HSPA4L: variants seen among roughly 807,000 people sequenced by gnomAD.
HSPA4L encodes the protein heat shock protein family A (Hsp70) member 4 like.
In HSPA4L, 48 loss-of-function variants were observed where a neutral mutation model predicts 100.3. That is an observed-to-expected ratio of 0.48 (90% CI 0.38 to 0.61). The LOEUF (loss-of-function observed/expected upper bound fraction) is 0.61. Among genes scored for constraint, HSPA4L ranks in the 20% least tolerant of loss-of-function variants. The probability of loss-of-function intolerance (pLI) is 0.00; values close to 1 mark genes in which losing one functional copy is unlikely to be tolerated. For missense variants in HSPA4L, 886 were observed against 988.6 expected, an observed-to-expected ratio of 0.90 and a Z score of 1.39; for synonymous variants, 319 against 328.2, an observed-to-expected ratio of 0.97 and a Z score of 0.30.
chr4:127,783,689 G>A (rs1230201685), intron 1 of HSPA4L: 20 of 1,535,048 alleles, frequency 1.3e-5, no homozygotes, highest in Non-Finnish European at 1.7e-5. Context: ...AGGTAATTTG[G>A]CATCTTAATT....
At chr4:127,816,562 A>C (rs1363897882) in intron 12 of HSPA4L, among the ~76,000 whole-genome samples, 1 of 152,206 alleles carries the variant, frequency 6.6e-6, no homozygotes. Context: ...TTTAAGGAGC[A>C]TTCAAGGAAG....
At chr4:127,823,350 T>C (rs952845353) in intron 15 of HSPA4L, among the ~76,000 whole-genome samples, 167 bp from the exon 16 acceptor site, 1 of 152,178 alleles carries the variant, frequency 6.6e-6, no homozygotes, top group Non-Finnish European at 1.5e-5. Flanking sequence ...GATTTTGCCA[T>C]ATTGCCCAGG....
At chr4:127,817,839 G>A (rs1365890108) in intron 12 of HSPA4L, among the ~76,000 whole-genome samples, 3 of 151,996 alleles carry the variant, frequency 2.0e-5, no homozygotes, top group African/African-American at 7.3e-5. Flanking sequence ...CAAGTTGAAT[G>A]TTCTCTATTT....
intron 1 of HSPA4L, chr4:127,783,440 C>T (rs1278822632): frequency 1.7e-5 from 23 of 1,328,972 alleles, no homozygotes; most frequent in Non-Finnish European, 2.1e-5. Flanking sequence ...CCCGTATAAA[C>T]ATGACTGTGG....
rs1733727087 is a variant in HSPA4L, at chr4:127,818,369, T to C, written c.1623T>C (p.His541=). Residue 541 remains histidine (H), a synonymous_variant, in exon 13 of 19, where the codon CAT becomes CAC. Transcript: ENST00000296464. The stretch of plus-strand genomic sequence containing the variant: ...AAGAAGAAGGGCATCAAAAATGTCA[T>C]GCTGAACACACTCCAGAAGAGGAAA... ...VDQEEGHQKC[H]AEHTPEEEID... is the part of the protein sequence containing the mutation. 6.2e-7 allele frequency: 1 copy of C among 1,612,602 alleles called. No homozygotes were observed. The highest frequency in any genetic ancestry group is 8.5e-7 in the Non-Finnish European group (1 of 1,179,186).
chr4:127,782,276 G>A, upstream of HSPA4L: 1 of 448,904 alleles, frequency 2.2e-6, no homozygotes, highest in East Asian at 4.6e-5. Context: ...AGCCGAGCGC[G>A]CAGGCGCAGG....
At chr4:127,805,305 C>T in intron 9 of HSPA4L, 81 bp downstream of exon 9, 2 of 1,011,930 alleles carry the variant, frequency 2.0e-6, no homozygotes, top group Non-Finnish European at 2.9e-6. Context: ...TTAATGTTAT[C>T]TGTTCCATCC....
intron 12 of HSPA4L, chr4:127,813,383 G>A (rs1372273792): frequency 5.7e-6 from 3 of 524,444 alleles, no homozygotes; most frequent in East Asian, 3.1e-5. Context: ...TTTAAGGACT[G>A]TGGCTTTTTC....
chr4:127,801,311 A>T, intron 5 of HSPA4L, 74 bp downstream of exon 5: 1 of 1,142,008 alleles, frequency 8.8e-7, no homozygotes, highest in African/African-American at 1.6e-5. Context: ...TTAACAAAGC[A>T]TTATTTTTTT....
At chr4:127,818,066 A>G (rs1035443755) in intron 12 of HSPA4L, among the ~76,000 whole-genome samples, 6 of 147,930 alleles carry the variant, frequency 4.1e-5, no homozygotes, top group African/African-American at 1.5e-4. Flanking sequence ...ATTTGGCTTG[A>G]GAACAATTTT....
At chr4:127,798,538 G>A (rs375559935) in intron 3 of HSPA4L, 49 bp from the exon 4 acceptor site, 1 of 1,594,692 alleles carries the variant, frequency 6.3e-7, no homozygotes, top group Non-Finnish European at 8.6e-7. Flanking sequence ...CTGAATATTT[G>A]TTGGATAAAC....
At chr4:127,783,379 G>C in intron 1 of HSPA4L, 1 of 459,816 alleles carries the variant, frequency 2.2e-6, no homozygotes, top group African/African-American at 2.1e-5. Flanking sequence ...GGTTGGGTCG[G>C]ACCAAAAGCG....
chr4:127,830,616 C>T, intron 17 of HSPA4L, 22 bp from the exon 18 acceptor site: 1 of 1,542,890 alleles, frequency 6.5e-7, no homozygotes, highest in Non-Finnish European at 8.7e-7. Flanking sequence ...AACATGCAGT[C>T]AAGCTTTTTT....
At chr4:127,819,428 A>G (rs1733753545) in intron 13 of HSPA4L, among the ~76,000 whole-genome samples, 1 of 152,192 alleles carries the variant, frequency 6.6e-6, no homozygotes, top group Admixed American at 6.5e-5. Context: ...TGTAGATTCT[A>G]AAGTTATTTA....
chr4:127,823,499 T>C lies in HSPA4L; in HGVS notation c.1939-18T>C. ...AAGGAAAGTATTTTTAATTAGTGTC[T>C]CTCAAATATATTACTAGGACTTGAG... On this transcript the variant is annotated intron_variant, in intron 15 of 18. Transcript: ENST00000296464. The C allele has an allele frequency of 6.6e-7, 1 of 1,518,346 alleles. No homozygotes were observed. Among genetic ancestry groups the C allele is most frequent in the African/African-American group, 1.4e-5 (1 of 73,134 alleles). The allele number at this position is 1,518,346 out of a possible 1,614,324, so 94.1% of individuals were successfully genotyped here. A position where few individuals can be genotyped will look rare whatever the true frequency, so the allele number is the denominator to read the frequency against.
chr4:127,827,292 CTTATG>C lies in HSPA4L; in HGVS notation c.2047-9_2047-5del. 6.9e-6 allele frequency: 11 copies of C among 1,595,818 alleles called. No homozygotes were observed. The highest frequency in any genetic ancestry group is 9.4e-6 in the Non-Finnish European group (11 of 1,173,502). On this transcript the variant is annotated splice_region_variant and splice_polypyrimidine_tract_variant and intron_variant, in intron 16 of 18. Coordinates refer to ENST00000296464, the MANE Select transcript of HSPA4L (RefSeq NM_014278.4). ...AAAAATTTTTCTTCTTTAAAAATTT[CTTATG>C]TTAACAGAAATACGGCCAGCCTATT...
intron 2 of HSPA4L, 127 bp from the exon 3 acceptor site, chr4:127,795,641 A>C (rs1412970849): frequency 6.9e-6 from 6 of 872,520 alleles, no homozygotes; most frequent in Non-Finnish European, 8.7e-6. Flanking sequence ...GAAAAAATGA[A>C]TGATTATTTG....
intron 12 of HSPA4L, among the ~76,000 whole-genome samples, chr4:127,817,807 T>C (rs930025876): frequency 3.9e-5 from 6 of 152,160 alleles, no homozygotes; most frequent in African/African-American, 1.4e-4. Context: ...TTTCTTGTGT[T>C]ATTTATAAAC....
At chr4:127,818,692 C>T (rs1461125277) in intron 13 of HSPA4L, among the ~76,000 whole-genome samples, 2 of 151,144 alleles carry the variant, frequency 1.3e-5, no homozygotes, top group African/African-American at 4.9e-5. Flanking sequence ...TGAGAACACA[C>T]GGACACATAG....
Sources: allele counts gnomAD v4.1 joint callset (sites outside exome capture counted in the v4.1 genomes callset), GRCh38; gene constraint gnomAD v4.1.1; transcripts MANE v1.5; gene names NCBI Gene and HGNC (gene_info 2026-07-23, HGNC 2026-07-21).